The following SPHK2 variants were observed in gnomAD, a reference collection of about 807,000 sequenced individuals.
SPHK2 encodes the protein sphingosine kinase 2.
SPHK2 carries 18 observed loss-of-function variants against 32.3 expected under a neutral mutation model. The observed-to-expected ratio is 0.56, with a 90% CI of 0.39 to 0.83. SPHK2 has a LOEUF of 0.83. Ranked by LOEUF, SPHK2 falls within the 40% of genes least tolerant of loss-of-function variation. The pLI is 0.00. For synonymous variants in SPHK2, 462 were observed against 417.6 expected, an observed-to-expected ratio of 1.11 and a Z score of -1.30; for missense variants, 850 against 908.7, an observed-to-expected ratio of 0.94 and a Z score of 0.83.
Position 48,620,400 on chromosome 19 carries a change from A to G in SPHK2, c.-113-2A>G, listed in dbSNP as rs1401338552. The G allele has an allele frequency of 1.2e-6, 1 of 818,600 alleles. No homozygotes were observed. The allele number at this position is 818,600 out of a possible 1,614,324, so 50.7% of individuals were successfully genotyped here. A position where few individuals can be genotyped will look rare whatever the true frequency, so the allele number is the denominator to read the frequency against. ...TGCTCCTCACTTACCTCTCCTCCAC[A>G]GAGCTGAAGGTCAGGCCAGGACAGT... On this transcript the variant is annotated splice_acceptor_variant, in intron 1 of 6. Transcript: ENST00000245222. LOFTEE classifies it low-confidence loss of function (5UTR_SPLICE).
At chr19:48,620,598 C>T in intron 2 of SPHK2, 45 bp downstream of exon 2, 1 of 1,178,134 alleles carries the variant, frequency 8.5e-7, no homozygotes, top group Non-Finnish European at 1.2e-6. Context: ...TGTGGAAAGA[C>T]AAAATCTGAA....
In SPHK2 at chr19:48,629,709, A is replaced by G; in HGVS notation, c.1901A>G (p.Gln634Arg). 6.2e-7 allele frequency: 1 copy of G among 1,609,808 alleles called. No individual in the cohort carries two copies. Reference protein sequence around the residue: ...EQVEYGPLQAQMHPGIGTLLT... With the variant: ...EQVEYGPLQARMHPGIGTLLT... ...GTGGAGTATGGGCCGCTACAGGCAC[A>G]GATGCACCCTGGCATCGGTACACTG... Residue 634 changes from glutamine (Q) to arginine (R), a missense_variant, in exon 7 of 7, where the codon CAG (glutamine) becomes CGG (arginine). Gln to Arg is a conservative substitution (Grantham distance 43). Transcript: ENST00000245222.
In SPHK2 at chr19:48,628,492, G is replaced by A. The variant is rs139636538; in HGVS notation, c.873-189G>A. ...TGGCATGGGAGGCACTCAGTGAATT[G>A]TAGGGAGCAAATGAAAGATGACCAG... On this transcript the variant is annotated intron_variant, in intron 6 of 6. Transcript: ENST00000245222. This position sits in a 1 kb window ranked among gnomAD's most constrained non-coding sequence, Gnocchi z 5.2. 3.4e-6 allele frequency: 3 copies of A among 884,140 alleles called. No homozygotes were observed. Among genetic ancestry groups the A allele is most frequent in the East Asian group, 2.5e-5 (1 of 39,832 alleles). 54.8% of individuals were successfully genotyped at this position (884,140 alleles called of 1,614,324 possible).
chr19:48,625,392 C>A, intron 2 of SPHK2: 1 of 1,175,216 alleles, frequency 8.5e-7, no homozygotes, highest in Non-Finnish European at 1.1e-6. Context: ...CCCACTGCAC[C>A]GTATGGGGGG....
chr19:48,623,029 G>C (rs1974466051), intron 2 of SPHK2, among the ~76,000 whole-genome samples: 1 of 151,382 alleles, frequency 6.6e-6, no homozygotes, highest in South Asian at 2.1e-4. Context: ...TGGATCACGA[G>C]GTCAGGAGAT....
Position 48,626,206 on chromosome 19 carries a change from A to G in SPHK2, c.355A>G (p.Thr119Ala). 1.9e-6 allele frequency: 3 copies of G among 1,595,788 alleles called. No homozygotes were observed. The highest frequency in any genetic ancestry group is 1.7e-5 in the Admixed American group (1 of 58,402). ...CTCAGCGGCCTACTTCTGCATCTAC[A>G]CCTACCCTCGGGGCCGGCGCGGGGC... ...SDSAAYFCIYTYPRGRRGARR... is the reference protein window; with the variant it reads ...SDSAAYFCIYAYPRGRRGARR... The change falls in exon 3 of 7, where the codon ACC becomes GCC. Residue 119 changes from threonine (T) to alanine (A), a missense_variant. Thr to Ala is a moderately conservative substitution (Grantham distance 58). Around this residue, in one of 2 missense-constraint regions of SPHK2, gnomAD observed 544 missense variants for 640.0 expected, o/e 0.85. Coordinates refer to ENST00000245222, the MANE Select transcript of SPHK2 (RefSeq NM_020126.5).
Position 48,629,200 on chromosome 19 carries a change from G to C in SPHK2, c.1392G>C (p.Pro464=). The C allele has an allele frequency of 1.9e-6, 3 of 1,613,462 alleles. No homozygotes were observed. The highest frequency in any genetic ancestry group is 2.5e-6 in the Non-Finnish European group (3 of 1,179,958). The change falls in exon 7 of 7, where the codon CCG becomes CCC. Residue 464 remains proline, a synonymous_variant. Transcript: ENST00000245222. ...ACTGGGGTGGGGCTGGGGATGCTCC[G>C]CTGTCCCCGGACCCACTGCTGTCTT... is the stretch of plus-strand genomic sequence containing the variant. ...AGDWGGAGDA[P]LSPDPLLSSP...
intron 3 of SPHK2, among the ~76,000 whole-genome samples, chr19:48,627,043 A>T (rs1326198099): frequency 1.3e-5 from 2 of 152,176 alleles, no homozygotes; most frequent in Non-Finnish European, 2.9e-5. Flanking sequence ...CTGAGGCAGG[A>T]GAATCACTTG....
chr19:48,625,995 C>T lies in SPHK2; in HGVS notation c.144C>T (p.Thr48=). The T allele has an allele frequency of 6.2e-7, 1 of 1,613,342 alleles. No homozygotes were observed. The highest frequency in any genetic ancestry group is 1.3e-5 in the African/African-American group (1 of 75,076). ...CCCCACCGCCACTGGCTGCCAGCAC[C>T]CCGCTCCTCCATGGCGAGTTTGGCT... ...APPPPPLAAS[T]PLLHGEFGSY... Residue 48 remains threonine (T), a synonymous_variant, in exon 3 of 7, where the codon ACC becomes ACT. Coordinates refer to ENST00000245222, the MANE Select transcript of SPHK2 (RefSeq NM_020126.5).
Position 48,629,479 on chromosome 19 carries a change from G to C in SPHK2, c.1671G>C (p.Pro557=). The change falls in exon 7 of 7, where the codon CCG becomes CCC. Residue 557 remains proline, a synonymous_variant. Coordinates refer to ENST00000245222, the MANE Select transcript of SPHK2 (RefSeq NM_020126.5). Reference sequence around the variant, plus strand: ...TAGGCGCTGACCTGGTGGCAGCTCCGCATGCGCGCTTCGACGACGGCCTGG... The same window carrying C: ...TAGGCGCTGACCTGGTGGCAGCTCCCCATGCGCGCTTCGACGACGGCCTGG... ...SHLGADLVAA[P]HARFDDGLVH... is the part of the protein sequence containing the mutation. 1 of 1,607,696 alleles carries C rather than the reference G, an allele frequency of 6.2e-7. No individual in the cohort carries two copies. Among genetic ancestry groups the C allele is most frequent in the Non-Finnish European group, 8.5e-7 (1 of 1,178,476 alleles).
rs964628458 is a variant in SPHK2 at position 48,630,163 on chromosome 19, T to C, written c.*390T>C. 2.4e-6 allele frequency: 3 copies of C among 1,239,238 alleles called. No homozygotes were observed. The highest frequency in any genetic ancestry group is 3.1e-5 in the African/African-American group (2 of 64,448). The allele number at this position is 1,239,238 out of a possible 1,614,324, so 76.8% of individuals were successfully genotyped here. On this transcript the variant is annotated 3_prime_UTR_variant, in exon 7 of 7. Coordinates refer to ENST00000245222, the MANE Select transcript of SPHK2 (RefSeq NM_020126.5). The surrounding 1 kb of genome is among the most constrained non-coding windows in gnomAD (Gnocchi z 4.9). ...ACTGGCTGGGGTAGGCCTCAGTGAG[T>C]CGGCCGGTCAGGGCCCGCAGCCTCG... is the stretch of plus-strand genomic sequence containing the variant.
chr19:48,627,089 G>T (rs1384119686), intron 3 of SPHK2, among the ~76,000 whole-genome samples: 5 of 152,188 alleles, frequency 3.3e-5, no homozygotes, highest in African/African-American at 1.2e-4. Flanking sequence ...AGCCGAGATT[G>T]CACCATTGCA....
At position 48,626,207 on chromosome 19, in the gene SPHK2, C is replaced by G; in HGVS notation, c.356C>G (p.Thr119Ser). ...TCAGCGGCCTACTTCTGCATCTACACCTACCCTCGGGGCCGGCGCGGGGCC... is the reference window on the plus strand; with the variant it reads ...TCAGCGGCCTACTTCTGCATCTACAGCTACCCTCGGGGCCGGCGCGGGGCC... Reference protein sequence around the residue: ...SDSAAYFCIYTYPRGRRGARR... With the variant: ...SDSAAYFCIYSYPRGRRGARR... The change falls in exon 3 of 7, where the codon ACC (threonine) becomes AGC (serine). Residue 119 changes from threonine (T) to serine (S), a missense_variant. Transcript: ENST00000245222. 1.3e-6 allele frequency: 2 copies of G among 1,596,380 alleles called. No individual in the cohort carries two copies. The highest frequency in any genetic ancestry group is 1.7e-6 in the Non-Finnish European group (2 of 1,175,688).
rs2030477962 is a variant in SPHK2 at position 48,630,141 on chromosome 19, G to T, written c.*368G>T. The T allele has an allele frequency of 3.2e-6, 4 of 1,253,052 alleles. No individual in the cohort carries two copies. Among genetic ancestry groups the T allele is most frequent in the Admixed American group, 7.7e-5 (2 of 26,062 alleles). The allele number at this position is 1,253,052 out of a possible 1,614,324, so 77.6% of individuals were successfully genotyped here. On this transcript the variant is annotated 3_prime_UTR_variant, in exon 7 of 7. Coordinates refer to ENST00000245222, the MANE Select transcript of SPHK2 (RefSeq NM_020126.5). The surrounding 1 kb of genome is among the most constrained non-coding windows in gnomAD (Gnocchi z 4.9). ...CCAATGACAGGACCTGGAATGTACT[G>T]GCTGGGGTAGGCCTCAGTGAGTCGG...
In SPHK2 at chr19:48,630,162, G is replaced by A. The variant is rs1033295382; in HGVS notation, c.*389G>A. ...TACTGGCTGGGGTAGGCCTCAGTGA[G>A]TCGGCCGGTCAGGGCCCGCAGCCTC... On this transcript the variant is annotated 3_prime_UTR_variant, in exon 7 of 7. Transcript: ENST00000245222. This position sits in a 1 kb window ranked among gnomAD's most constrained non-coding sequence, Gnocchi z 4.9. The A allele has an allele frequency of 8.1e-7, 1 of 1,241,512 alleles. No individual in the cohort carries two copies. Among genetic ancestry groups the A allele is most frequent in the African/African-American group, 1.5e-5 (1 of 64,604 alleles). The allele number at this position is 1,241,512 out of a possible 1,614,324, so 76.9% of individuals were successfully genotyped here.
chr19:48,625,900 C>G lies in SPHK2; in HGVS notation c.49C>G (p.Gln17Glu), dbSNP rs765213489. Residue 17 changes from glutamine to glutamate, a missense_variant, in exon 3 of 7, where the codon CAG (glutamine) becomes GAG (glutamate). Physicochemically the swap from Gln to Glu is conservative, Grantham distance 29. Coordinates refer to ENST00000245222, the MANE Select transcript of SPHK2 (RefSeq NM_020126.5). ...TCCTCCCTTCCCACAGAGGCCAGAC[C>G]AGGAGCTGACCGGGAGCTGGGGCCA... ...AEEQQDQRPD[Q>E]ELTGSWGHGP... The G allele has an allele frequency of 6.2e-7, 1 of 1,611,968 alleles. No homozygotes were observed. Among genetic ancestry groups the G allele is most frequent in the South Asian group, 1.1e-5 (1 of 90,980 alleles).
chr19:48,626,425 A>AT, intron 3 of SPHK2, 63 bp downstream of exon 3: 1 of 1,469,070 alleles, frequency 6.8e-7, no homozygotes, highest in Non-Finnish European at 9.0e-7. Flanking sequence ...AATTTCCTCC[A>AT]TAGGCAGCTG....
chr19:48,626,372 T>C lies in SPHK2; in HGVS notation c.511+10T>C. ...CTGCCCGGGGATGGGGGTGAGGTGC[T>C]GGGCAGCTGCTCTATCCTGGAGCCA... On this transcript the variant is annotated intron_variant, in intron 3 of 6. Coordinates refer to ENST00000245222, the MANE Select transcript of SPHK2 (RefSeq NM_020126.5). 5.8e-6 allele frequency: 9 copies of C among 1,563,696 alleles called. No homozygotes were observed. The highest frequency in any genetic ancestry group is 7.7e-6 in the Non-Finnish European group (9 of 1,165,004).
In SPHK2 at chr19:48,627,767, C is replaced by T. The variant is rs2030055149; in HGVS notation, c.587C>T (p.Ala196Val). Residue 196 changes from alanine to valine, a missense_variant, in exon 4 of 7, where the codon GCC becomes GTC. Ala to Val is a moderately conservative substitution (Grantham distance 64). Transcript: ENST00000245222. ...AATCCCTTTGGGGGTCGGGGCCTGGCCTGGCAGTGGTGTAAGAACCACGTG... is the reference window on the plus strand; with the variant it reads ...AATCCCTTTGGGGGTCGGGGCCTGGTCTGGCAGTGGTGTAAGAACCACGTG... ...LVNPFGGRGLAWQWCKNHVLP... is the reference protein window; with the variant it reads ...LVNPFGGRGLVWQWCKNHVLP... 3 of 1,613,922 alleles carry T rather than the reference C, an allele frequency of 1.9e-6. No individual in the cohort carries two copies. Among genetic ancestry groups the T allele is most frequent in the Non-Finnish European group, 2.5e-6 (3 of 1,179,926 alleles).
Sources: gnomAD v4.1 joint callset for allele counts (sites outside exome capture counted in the v4.1 genomes callset) on GRCh38, gnomAD v4.1.1 for gene constraint, gnomAD v4.1.1 regional missense constraint, Gnocchi (gnomAD v3.1) non-coding constraint, MANE v1.5 for transcripts, NCBI Gene and HGNC (gene_info 2026-07-23, HGNC 2026-07-21) for gene names.